Variants in OFD1 observed in about 807,000 individuals in gnomAD.
OFD1 encodes the protein OFD1 centriole and centriolar satellite protein.
OFD1 carries 12 observed loss-of-function variants against 81.4 expected under a neutral mutation model. The observed-to-expected ratio is 0.15, with a 90% CI of 0.09 to 0.24. The LOEUF (loss-of-function observed/expected upper bound fraction) is 0.24, where lower values mean the gene tolerates loss of function less well. Among genes scored for constraint, OFD1 ranks in the 10% least tolerant of loss-of-function variants. The probability of loss-of-function intolerance (pLI) is 1.00; values close to 1 mark genes in which losing one functional copy is unlikely to be tolerated. For synonymous variants in OFD1, 256 were observed against 263.7 expected (o/e 0.97, Z 0.28); for missense variants, 685 against 733.9 (o/e 0.93, Z 0.77).
At chrX:13,744,814 T>G (rs748899189) in intron 6 of OFD1, among the ~76,000 whole-genome samples, 3 of 112,619 alleles carry the variant, frequency 2.7e-5, no homozygotes, top group Non-Finnish European at 5.6e-5. Context: ...TTCTTCCTCG[T>G]GTCTTGTCTA....
chrX:13,755,382 A>T, intron 12 of OFD1, 140 bp downstream of exon 12: 1 of 484,600 alleles, frequency 2.1e-6, no homozygotes, highest in Non-Finnish European at 3.6e-6. Context: ...AGCTGAAGTT[A>T]ATTCAATAGT....
the OFD1 span, chrX:13,722,201 G>GCAA: frequency 8.5e-5 from 2 of 23,571 alleles, no homozygotes; most frequent in African/African-American, 2.2e-4. Context: ...GTACATTTAA[G>GCAA]CAGCAGCAAA....
intron 5 of OFD1, among the ~76,000 whole-genome samples, chrX:13,744,013 G>A (rs2146957091): frequency 8.9e-6 from 1 of 112,162 alleles, no homozygotes; most frequent in Admixed American, 9.5e-5. Context: ...ATATGACTGG[G>A]CACAGTGGCT....
At chrX:13,749,785 G>A (rs1296769478) in intron 9 of OFD1, among the ~76,000 whole-genome samples, 2 of 112,462 alleles carry the variant, frequency 1.8e-5, no homozygotes, top group Non-Finnish European at 3.8e-5. Flanking sequence ...ATTTGGAGAA[G>A]CTGTTAATAC....
chrX:13,739,543 C>T (rs1272032840), intron 5 of OFD1, among the ~76,000 whole-genome samples: 4 of 111,231 alleles, frequency 3.6e-5, no homozygotes, highest in East Asian at 5.6e-4. Flanking sequence ...GTCGGGAGTT[C>T]GAGATCAGCC....
chrX:13,768,575 G>A (rs2048219250), intron 21 of OFD1, 143 bp from the exon 22 acceptor site: 2 of 528,627 alleles, frequency 3.8e-6, no homozygotes, highest in East Asian at 3.5e-5. Flanking sequence ...TTATTTTGAT[G>A]TGCTTGCTAA....
In OFD1 at chrX:13,734,762, G is replaced by T; in HGVS notation, c.-310G>T. ...GAAGTTGCCGGACTGGCTGTGAGGC[G>T]GTCCTGCCTCGCTGCCTTCAGTCCC... On this transcript the variant is annotated 5_prime_UTR_variant, in exon 1 of 23. Transcript: ENST00000340096. 9.6e-7 allele frequency: 1 copy of T among 1,045,692 alleles called. No individual in the cohort carries two copies. Among genetic ancestry groups the T allele is most frequent in the Non-Finnish European group, 1.2e-6 (1 of 819,181 alleles). The allele number at this position is 1,045,692 out of a possible 1,213,427, so 86.2% of individuals were successfully genotyped here. A position where few individuals can be genotyped will look rare whatever the true frequency, so the allele number is the denominator to read the frequency against.
intron 22 of OFD1, 121 bp downstream of exon 22, chrX:13,768,906 T>A: frequency 2.6e-6 from 2 of 781,316 alleles, no homozygotes; most frequent in Non-Finnish European, 3.9e-6. Flanking sequence ...AATTAGTGAC[T>A]ATAAAAACAA....
downstream of OFD1, chrX:13,771,751 C>A (rs1200364997): frequency 6.2e-5 from 7 of 112,354 alleles, no homozygotes; most frequent in African/African-American, 2.3e-4. Context: ...AGGCAAGTTT[C>A]TTTTGAAAAT....
At chrX:13,755,366 GGT>G in intron 12 of OFD1, 124 bp downstream of exon 12, 1 of 505,654 alleles carries the variant, frequency 2.0e-6, no homozygotes, top group Non-Finnish European at 3.4e-6. Flanking sequence ...TGGCTAAGAA[GGT>G]GTTAGCTGAA....
At chrX:13,721,566 G>A in the OFD1 span, 1 of 111,965 alleles carries the variant, frequency 8.9e-6, no homozygotes, top group African/African-American at 3.3e-5. Context: ...GACTTAGCAA[G>A]CCTCATTGGG....
At chrX:13,752,933 T>A in intron 10 of OFD1, 1 of 907,289 alleles carries the variant, frequency 1.1e-6, no homozygotes, top group Non-Finnish European at 1.4e-6. Flanking sequence ...CTGTGCTTAG[T>A]CCCTGAGCAC....
downstream of OFD1, chrX:13,772,880 T>C (rs147732407): frequency 1.5e-4 from 179 of 1,208,342 alleles, no homozygotes; most frequent in Non-Finnish European, 1.9e-4. Flanking sequence ...CTGGCAAACA[T>C]TTATGTGTAA....
At chrX:13,753,330 T>A in intron 10 of OFD1, 38 bp from the exon 11 acceptor site, 1 of 1,208,876 alleles carries the variant, frequency 8.3e-7, no homozygotes, top group Non-Finnish European at 1.1e-6. Context: ...TCCAGAAAAA[T>A]GCCTGAGGAG....
chrX:13,755,316 C>G (rs768201481), intron 12 of OFD1, 74 bp downstream of exon 12: 58 of 708,744 alleles, frequency 8.2e-5, no homozygotes, highest in Non-Finnish European at 1.2e-4. Flanking sequence ...CATAATTTAT[C>G]CTAAGTCATC....
At chrX:13,746,493 T>G (rs1569121912) in intron 7 of OFD1, 38 bp downstream of exon 7, 1 of 1,192,345 alleles carries the variant, frequency 8.4e-7, no homozygotes, top group Admixed American at 2.2e-5. Flanking sequence ...AGAGTGATGT[T>G]TTTGTTTGTC....
intron 8 of OFD1, among the ~76,000 whole-genome samples, 191 bp from the exon 9 acceptor site, chrX:13,749,236 C>T (rs2047413005): frequency 9.0e-6 from 1 of 111,035 alleles, no homozygotes; most frequent in South Asian, 3.8e-4. Context: ...GTTTAACAGT[C>T]ATTGGGGGAG....
chrX:13,742,124 A>G (rs142170610), intron 5 of OFD1, among the ~76,000 whole-genome samples: 1,335 of 112,543 alleles, frequency 0.012, 13 homozygotes, highest in Middle Eastern at 0.028. Flanking sequence ...GCAAAAGAAT[A>G]AGACATATAC....
At chrX:13,720,892 G>A in the OFD1 span, 11 of 110,157 alleles carry the variant, frequency 1.0e-4, no homozygotes, top group East Asian at 8.5e-4. Context: ...CAGGCATGGT[G>A]GTATGTGCCT....
Sources: gnomAD v4.1 joint callset for allele counts (sites outside exome capture counted in the v4.1 genomes callset) on GRCh38, gnomAD v4.1.1 for gene constraint, MANE v1.5 for transcripts, NCBI Gene and HGNC (gene_info 2026-07-23, HGNC 2026-07-21) for gene names.